Variants in SPINK13 observed in about 807,000 individuals in gnomAD.
SPINK13 encodes the protein serine peptidase inhibitor Kazal type 13.
Under a neutral mutation model 11.0 loss-of-function variants are expected in SPINK13, and 11 were observed. The ratio of observed to expected loss-of-function variants is 1.00; its 90% confidence interval spans 0.63 to 1.65. The LOEUF is 1.65. SPINK13 is among the 40% of genes most tolerant of loss of function. The pLI is 0.00. For missense variants in SPINK13, 113 were observed against 117.7 expected (o/e 0.96, Z 0.19); for synonymous variants, 31 against 35.6 (o/e 0.87, Z 0.46).
intron 3 of SPINK13, among the ~76,000 whole-genome samples, chr5:148,277,616 A>G (rs1756451001): frequency 6.6e-6 from 1 of 152,180 alleles, no homozygotes; most frequent in Admixed American, 6.6e-5. Flanking sequence ...TTGCATCGCA[A>G]GGATGAAGCC....
intron 3 of SPINK13, among the ~76,000 whole-genome samples, chr5:148,274,740 G>T (rs961660999): frequency 2.0e-5 from 3 of 152,092 alleles, no homozygotes; most frequent in Non-Finnish European, 4.4e-5. Flanking sequence ...GTGAAACCCT[G>T]TCTATAAATA....
chr5:148,284,744 C>T (rs1756566922), intron 4 of SPINK13, among the ~76,000 whole-genome samples: 1 of 152,146 alleles, frequency 6.6e-6, no homozygotes, highest in African/African-American at 2.4e-5. Flanking sequence ...TCACTGCTCT[C>T]AGAGATATCT....
chr5:148,272,514 C>G (rs1319671533), intron 2 of SPINK13, among the ~76,000 whole-genome samples: 1 of 152,068 alleles, frequency 6.6e-6, no homozygotes, highest in Non-Finnish European at 1.5e-5. Context: ...TTCCCCTTTG[C>G]CAAAGAGAAC....
chr5:148,274,314 C>T, intron 2 of SPINK13, 33 bp from the exon 3 acceptor site: 1 of 1,570,848 alleles, frequency 6.4e-7, no homozygotes, highest in Non-Finnish European at 8.8e-7. Context: ...GAACTATTTC[C>T]TTTAACTTAC....
chr5:148,275,903 T>C (rs893044948), intron 3 of SPINK13, among the ~76,000 whole-genome samples: 10 of 152,038 alleles, frequency 6.6e-5, no homozygotes, highest in Non-Finnish European at 7.4e-5. Flanking sequence ...CCTCGTGGTC[T>C]GCCCGCCTCC....
At chr5:148,279,274 T>A (rs1490586782) in intron 3 of SPINK13, among the ~76,000 whole-genome samples, 1 of 152,074 alleles carries the variant, frequency 6.6e-6, no homozygotes, top group African/African-American at 2.4e-5. Context: ...TTTAGCCCAT[T>A]TACATTTAAG....
intron 2 of SPINK13, among the ~76,000 whole-genome samples, chr5:148,271,846 C>G (rs944630619): frequency 2.0e-5 from 3 of 152,146 alleles, no homozygotes; most frequent in East Asian, 1.9e-4. Flanking sequence ...GGATGGTCTC[C>G]ATCTCCTGAC....
intron 3 of SPINK13, among the ~76,000 whole-genome samples, chr5:148,278,659 T>C (rs1756468154): frequency 6.6e-6 from 1 of 152,234 alleles, no homozygotes; most frequent in African/African-American, 2.4e-5. Context: ...TCCCGTTCTT[T>C]TGCATTTGCT....
At chr5:148,272,001 G>C (rs184135897) in intron 2 of SPINK13, among the ~76,000 whole-genome samples, 43 of 152,214 alleles carry the variant, frequency 2.8e-4, no homozygotes, top group African/African-American at 9.4e-4. Flanking sequence ...CCTACATATT[G>C]TTTAAATTTA....
intron 3 of SPINK13, among the ~76,000 whole-genome samples, chr5:148,279,161 A>T (rs1302108838): frequency 9.3e-6 from 1 of 107,942 alleles, no homozygotes; most frequent in African/African-American, 3.6e-5. Flanking sequence ...CTTTATTTTG[A>T]GTCTATGTGT....
chr5:148,281,323 C>T (rs1405703575), intron 3 of SPINK13, among the ~76,000 whole-genome samples: 2 of 151,904 alleles, frequency 1.3e-5, no homozygotes, highest in Non-Finnish European at 2.9e-5. Context: ...CCAAGCACCC[C>T]TGGGGTATGA....
chr5:148,278,637 G>A (rs954511902), intron 3 of SPINK13, among the ~76,000 whole-genome samples: 1 of 152,204 alleles, frequency 6.6e-6, no homozygotes, highest in Non-Finnish European at 1.5e-5. Flanking sequence ...CTGAGAGACT[G>A]TTTGTTATGA....
At chr5:148,283,389 T>C (rs959929708) in intron 4 of SPINK13, among the ~76,000 whole-genome samples, 2 of 152,186 alleles carry the variant, frequency 1.3e-5, no homozygotes, top group Non-Finnish European at 2.9e-5. Context: ...GTCCTGGATA[T>C]ACAAACATAC....
intron 3 of SPINK13, among the ~76,000 whole-genome samples, chr5:148,278,442 T>C (rs1174097218): frequency 6.6e-6 from 1 of 152,238 alleles, no homozygotes; most frequent in Admixed American, 6.5e-5. Flanking sequence ...CTGCTTTAGC[T>C]GTGTCCCAGA....
chr5:148,273,664 TA>T (rs1756382338), intron 2 of SPINK13, among the ~76,000 whole-genome samples: 1 of 152,376 alleles, frequency 6.6e-6, no homozygotes, highest in South Asian at 2.1e-4. Context: ...GGAAGATTTC[TA>T]AATATCGTGC....
Position 148,270,112 on chromosome 5 carries a change from T to C in SPINK13, c.40T>C (p.Cys14Arg). ...CCACAAGATTATATTTTTCCTGGTA[T>C]GCTCTACTTTGACACATGTGGCTTT... is the stretch of plus-strand genomic sequence containing the variant. ...FPHKIIFFLV[C>R]STLTHVAFSG... is the part of the protein sequence containing the mutation. Residue 14 changes from cysteine (C) to arginine (R), a missense_variant, in exon 2 of 5, where the codon TGC (cysteine) becomes CGC (arginine). Physicochemically the swap from Cys to Arg is radical, Grantham distance 180. Transcript: ENST00000398450. 6.2e-7 allele frequency: 1 copy of C among 1,614,142 alleles called. No individual in the cohort carries two copies. The highest frequency in any genetic ancestry group is 2.2e-5 in the East Asian group (1 of 44,870).
rs1756587150 is a variant in SPINK13 at position 148,286,092 on chromosome 5, AT to A, written c.*46del. On this transcript the variant is annotated 3_prime_UTR_variant, in exon 5 of 5. Transcript: ENST00000398450. ...CACTTGCTTATTCTTTTTCTACTTA[AT>A]TCAGAATAGTATTTCTTTTAGAGTG... is the stretch of plus-strand genomic sequence containing the variant. The A allele has an allele frequency of 8.2e-7, 1 of 1,225,226 alleles. No individual in the cohort carries two copies. Among genetic ancestry groups the A allele is most frequent in the South Asian group, 1.5e-5 (1 of 66,286 alleles). 75.9% of individuals were successfully genotyped at this position (1,225,226 alleles called of 1,614,324 possible). A position where few individuals can be genotyped will look rare whatever the true frequency, so the allele number is the denominator to read the frequency against.
In SPINK13 at chr5:148,280,697, C is replaced by T. The variant is rs148632592; in HGVS notation, c.109-1407C>T. On this transcript the variant is annotated intron_variant, in intron 3 of 4. Coordinates refer to ENST00000398450, the MANE Select transcript of SPINK13 (RefSeq NM_001040129.3). ...CACCTGCCAGATGCCAGCCAGAGCT[C>T]TCCTCTTTGAGGTGTCCGTAGACCC... Among the ~76,000 whole-genome samples the T allele has an allele frequency of 6.8e-3, 1,032 of 152,306 alleles. 22 individuals are homozygous for T. Among genetic ancestry groups the T allele is most frequent in the African/African-American group, 0.024 (994 of 41,574 alleles).
rs1756588445 is a variant in SPINK13, at chr5:148,286,173, G to A, written c.*125G>A. The A allele has an allele frequency of 5.7e-6, 3 of 522,418 alleles. No individual in the cohort carries two copies. In the East Asian group the frequency reaches 1.0e-4, roughly 18 times the overall value. The allele number at this position is 522,418 out of a possible 1,614,324, so 32.4% of individuals were successfully genotyped here. A position where few individuals can be genotyped will look rare whatever the true frequency, so the allele number is the denominator to read the frequency against. Reference sequence around the variant, plus strand: ...GCTGTACTTAAATGTCGAACAAAATGAGAGACAAAAATGAAGGAATCAAAC... The same window carrying A: ...GCTGTACTTAAATGTCGAACAAAATAAGAGACAAAAATGAAGGAATCAAAC... On this transcript the variant is annotated 3_prime_UTR_variant, in exon 5 of 5. Coordinates refer to ENST00000398450, the MANE Select transcript of SPINK13 (RefSeq NM_001040129.3).
Sources: allele counts gnomAD v4.1 joint callset (sites outside exome capture counted in the v4.1 genomes callset), GRCh38; gene constraint gnomAD v4.1.1; transcripts MANE v1.5; gene names NCBI Gene and HGNC (gene_info 2026-07-23, HGNC 2026-07-21).